RHOBTB1: variants seen among roughly 807,000 people sequenced by gnomAD.
The protein encoded by RHOBTB1 is rho-related BTB domain-containing protein 1.
RHOBTB1 carries 40 observed loss-of-function variants against 71.6 expected under a neutral mutation model. That is an observed-to-expected ratio of 0.56 (90% CI 0.43 to 0.73). RHOBTB1 has a LOEUF of 0.73. Among genes scored for constraint, RHOBTB1 ranks in the 30% least tolerant of loss-of-function variants. The pLI is 0.00. For synonymous variants in RHOBTB1, 319 were observed against 334.9 expected (o/e 0.95, Z 0.52); for missense variants, 797 against 894.0 (o/e 0.89, Z 1.38).
chr10:60,994,837 CCAGA>C (rs2086993061), intron 1 of RHOBTB1, among the ~76,000 whole-genome samples: 1 of 151,614 alleles, frequency 6.6e-6, no homozygotes, highest in African/African-American at 2.4e-5. Context: ...ATTCTAGGGC[CCAGA>C]CACTTTAATG....
intron 2 of RHOBTB1, among the ~76,000 whole-genome samples, chr10:60,982,154 CG>C (rs2086517897): frequency 6.6e-6 from 1 of 152,154 alleles, no homozygotes; most frequent in South Asian, 2.1e-4. Context: ...AATTAAATGG[CG>C]GCCCATGAAC....
At chr10:60,916,682 A>G (rs934696220) in intron 2 of RHOBTB1, among the ~76,000 whole-genome samples, 2 of 152,094 alleles carry the variant, frequency 1.3e-5, no homozygotes, top group Admixed American at 6.5e-5. Context: ...CTTGCATTGC[A>G]TATGTGGTAT....
At position 60,886,241 on chromosome 10, in the gene RHOBTB1, A is replaced by G; in HGVS notation, c.1457-11T>C. 6.2e-7 allele frequency: 1 copy of G among 1,609,130 alleles called. No individual in the cohort carries two copies. Among genetic ancestry groups the G allele is most frequent in the Non-Finnish European group, 8.5e-7 (1 of 1,175,672 alleles). ...ATTTAAATGTCACGTCTGCCAAGGG[A>G]TTGAGGAAACACAACCATGAGCCAA... is the stretch of plus-strand genomic sequence containing the variant. On this transcript the variant is annotated splice_polypyrimidine_tract_variant and intron_variant, in intron 6 of 10. Transcript: ENST00000337910.
chr10:60,885,327 A>T (rs1340149628), intron 7 of RHOBTB1, among the ~76,000 whole-genome samples: 1 of 152,186 alleles, frequency 6.6e-6, no homozygotes, highest in Admixed American at 6.5e-5. Context: ...AAGTAAAACA[A>T]CAAGAAAGAC....
intron 1 of RHOBTB1, among the ~76,000 whole-genome samples, chr10:60,989,763 G>A (rs2086792240): frequency 6.6e-6 from 1 of 152,114 alleles, no homozygotes; most frequent in South Asian, 2.1e-4. Context: ...CATGTGCTCT[G>A]TGATGTCCTA....
intron 2 of RHOBTB1, among the ~76,000 whole-genome samples, chr10:60,917,294 T>G (rs542122079): frequency 6.6e-6 from 1 of 152,264 alleles, no homozygotes; most frequent in East Asian, 1.9e-4. Flanking sequence ...ATTCTATTCA[T>G]TCTTTAAAAC....
At chr10:60,952,526 G>A (rs574934235) in intron 2 of RHOBTB1, among the ~76,000 whole-genome samples, 22 of 152,252 alleles carry the variant, frequency 1.4e-4, no homozygotes, top group African/African-American at 5.3e-4. Flanking sequence ...GGAAGCCGAG[G>A]ATCAAAAAGA....
intron 9 of RHOBTB1, among the ~76,000 whole-genome samples, chr10:60,873,353 C>T (rs936644490): frequency 2.0e-5 from 3 of 152,140 alleles, no homozygotes; most frequent in East Asian, 1.9e-4. Context: ...AATTGGCAAA[C>T]GCAACAGATT....
intron 6 of RHOBTB1, among the ~76,000 whole-genome samples, chr10:60,887,298 T>C (rs1162180336): frequency 6.6e-6 from 1 of 152,226 alleles, no homozygotes; most frequent in African/African-American, 2.4e-5. Context: ...ATGAATGAAC[T>C]GAGTCTTTAG....
downstream of RHOBTB1, among the ~76,000 whole-genome samples, chr10:60,865,843 T>G (rs1055070583): frequency 1.3e-5 from 2 of 152,128 alleles, no homozygotes; most frequent in African/African-American, 2.4e-5. Flanking sequence ...TCATTTTTAT[T>G]TTTTCTGAGA....
chr10:60,872,937 G>A (rs538980423), intron 9 of RHOBTB1, among the ~76,000 whole-genome samples: 4 of 152,136 alleles, frequency 2.6e-5, no homozygotes, highest in Non-Finnish European at 5.9e-5. Context: ...CAGACCTGGT[G>A]GGCCTGCTGC....
At chr10:60,997,862 C>T (rs1452262240) in intron 1 of RHOBTB1, among the ~76,000 whole-genome samples, 2 of 152,190 alleles carry the variant, frequency 1.3e-5, no homozygotes, top group Admixed American at 6.5e-5. Context: ...TTGTCCAAAG[C>T]TCCTTACTGC....
chr10:60,949,258 A>T (rs1291679831), intron 2 of RHOBTB1, among the ~76,000 whole-genome samples: 1 of 152,198 alleles, frequency 6.6e-6, no homozygotes, highest in Non-Finnish European at 1.5e-5. Flanking sequence ...CCAGCCTTCC[A>T]TCTAGGGTCC....
intron 4 of RHOBTB1, among the ~76,000 whole-genome samples, chr10:60,900,463 G>A (rs151181786): frequency 2.2e-4 from 34 of 152,182 alleles, no homozygotes; most frequent in East Asian, 1.5e-3. Flanking sequence ...TCCCTGTTCC[G>A]GGAACTGACA....
intron 2 of RHOBTB1, among the ~76,000 whole-genome samples, chr10:60,926,448 T>C (rs181274766): frequency 2.6e-5 from 4 of 152,278 alleles, no homozygotes; most frequent in Admixed American, 1.3e-4. Context: ...TATAGGCCAA[T>C]ATATCTAATA....
At chr10:60,885,676 A>G (rs1480210768) in intron 7 of RHOBTB1, among the ~76,000 whole-genome samples, 1 of 152,196 alleles carries the variant, frequency 6.6e-6, no homozygotes, top group Non-Finnish European at 1.5e-5. Context: ...TTAGGGGCAT[A>G]GCTAAGCCCA....
At chr10:60,936,906 G>A (rs544035233) in intron 2 of RHOBTB1, among the ~76,000 whole-genome samples, 118 of 152,298 alleles carry the variant, frequency 7.7e-4, no homozygotes, top group Admixed American at 2.9e-3. Flanking sequence ...CCCCAGTTCA[G>A]CCACTTCATA....
intron 2 of RHOBTB1, among the ~76,000 whole-genome samples, chr10:60,934,296 G>T (rs144490751): frequency 4.6e-5 from 7 of 152,250 alleles, no homozygotes; most frequent in Admixed American, 2.6e-4. Flanking sequence ...CTGAGCAGAC[G>T]TCCCACTCAT....
chr10:60,920,414 A>T (rs1453869987), intron 2 of RHOBTB1, among the ~76,000 whole-genome samples: 1 of 152,070 alleles, frequency 6.6e-6, no homozygotes, highest in Non-Finnish European at 1.5e-5. Context: ...CATCTGGAGA[A>T]TGAGAAGGGC....
Sources: gnomAD v4.1 joint callset for allele counts (sites outside exome capture counted in the v4.1 genomes callset) on GRCh38, gnomAD v4.1.1 for gene constraint, MANE v1.5 for transcripts, NCBI Gene and HGNC (gene_info 2026-07-23, HGNC 2026-07-21) for gene names.